The following SUPT6H variants were observed in gnomAD, a reference collection of about 807,000 sequenced individuals.
The protein encoded by SUPT6H is SPT6 homolog, histone chaperone and transcription elongation factor.
A neutral mutation model predicts 222.3 loss-of-function variants in SUPT6H; 11 were observed. The ratio of observed to expected loss-of-function variants is 0.05; its 90% CI spans 0.03 to 0.08. The LOEUF (loss-of-function observed/expected upper bound fraction) is 0.08, where lower values mean the gene tolerates loss of function less well. Among genes scored for constraint, SUPT6H ranks in the 10% least tolerant of loss-of-function variants. The pLI, the probability that SUPT6H is intolerant of heterozygous loss-of-function variation, is 1.00. For missense variants in SUPT6H, 1,422 were observed against 2,216.0 expected (o/e 0.64, Z 7.19); for synonymous variants, 762 against 801.2 (o/e 0.95, Z 0.83).
At position 28,697,053 on chromosome 17, in the gene SUPT6H, C is replaced by G. The variant is rs1481278356; in HGVS notation, c.4180C>G (p.Leu1394Val). The change falls in exon 30 of 37, where the codon CTG (leucine) becomes GTG (valine). Residue 1394 changes from leucine (L) to valine (V), a missense_variant. Transcript: ENST00000314616. ...GGAGGGCAAGGAAAATGCCTTCAGC[C>G]TGGGAGCCACTCTGTGGATCAACAG... ...REEGKENAFSLGATLWINSEE... is the reference protein window; with the variant it reads ...REEGKENAFSVGATLWINSEE... 6.2e-7 allele frequency: 1 copy of G among 1,614,042 alleles called. No homozygotes were observed. The highest frequency in any genetic ancestry group is 1.7e-5 in the Admixed American group (1 of 60,016).
chr17:28,684,822 T>A, intron 18 of SUPT6H, 22 bp from the exon 19 acceptor site: 1 of 1,614,094 alleles, frequency 6.2e-7, no homozygotes, highest in African/African-American at 1.3e-5. Flanking sequence ...ATTGCATTCT[T>A]GTTTTTCTGT....
intron 28 of SUPT6H, among the ~76,000 whole-genome samples, chr17:28,694,158 C>T (rs539327717): frequency 8.5e-5 from 13 of 152,320 alleles, no homozygotes; most frequent in African/African-American, 2.9e-4. Context: ...AAAGGCTCTG[C>T]CTGTTCTCCC....
intron 4 of SUPT6H, 98 bp from the exon 5 acceptor site, chr17:28,674,872 A>G (rs1451269129): frequency 1.4e-6 from 2 of 1,385,104 alleles, no homozygotes; most frequent in South Asian, 1.4e-5. Context: ...TCTCTTGGTC[A>G]GAGTAATTGT....
intron 12 of SUPT6H, among the ~76,000 whole-genome samples, 167 bp from the exon 13 acceptor site, chr17:28,681,712 CAAA>C (rs541707928): frequency 4.5e-5 from 4 of 89,032 alleles, no homozygotes; most frequent in Admixed American, 1.3e-4. Flanking sequence ...GGCTGTGTCT[CAAA>C]AAAAAAAAAA....
At position 28,678,542 on chromosome 17, in the gene SUPT6H, T is replaced by C; in HGVS notation, c.1117-3T>C. ...AGTGACTGCAGTCTCTTTGCCATCC[T>C]AGGTGCCTTTTATTGCCTTCTATCG... On this transcript the variant is annotated splice_region_variant and splice_polypyrimidine_tract_variant and intron_variant, in intron 9 of 36. Transcript: ENST00000314616. The C allele has an allele frequency of 1.2e-6, 2 of 1,614,168 alleles. No individual in the cohort carries two copies. The highest frequency in any genetic ancestry group is 8.5e-7 in the Non-Finnish European group (1 of 1,179,964).
intron 6 of SUPT6H, 21 bp from the exon 7 acceptor site, chr17:28,676,136 G>C (rs774428247): frequency 1.0e-5 from 16 of 1,556,038 alleles, no homozygotes. Flanking sequence ...TGAGCCACCT[G>C]CCTCTTGCTG....
rs758177966 is a variant in SUPT6H at position 28,688,256 on chromosome 17, C to T, written c.3134+38C>T. ...GCCTGGATGGGGCAGGAGGAATTCC[C>T]TTGTGGGCTTTGTTTTCGGGTTTCA... On this transcript the variant is annotated intron_variant, in intron 24 of 36. Coordinates refer to ENST00000314616, the MANE Select transcript of SUPT6H (RefSeq NM_003170.5). The surrounding 1 kb of genome is among the most constrained non-coding windows in gnomAD (Gnocchi z 4.3). 1 of 1,594,588 alleles carries T rather than the reference C, an allele frequency of 6.3e-7. No individual in the cohort carries two copies. Among genetic ancestry groups the T allele is most frequent in the South Asian group, 1.1e-5 (1 of 89,206 alleles).
intron 1 of SUPT6H, among the ~76,000 whole-genome samples, chr17:28,669,667 G>T (rs2030298519): frequency 6.6e-6 from 1 of 152,194 alleles, no homozygotes; most frequent in South Asian, 2.1e-4. Context: ...GGGCGTGGTG[G>T]CTCACGCCTG....
chr17:28,673,150 CA>C (rs568444024), intron 1 of SUPT6H, among the ~76,000 whole-genome samples: 2,299 of 81,814 alleles, frequency 0.028, 38 homozygotes, highest in African/African-American at 0.085. Flanking sequence ...GACGCCACCT[CA>C]AAAAAAAAAA....
chr17:28,673,656 A>G (rs1199016988), intron 2 of SUPT6H, 146 bp downstream of exon 2: 2 of 629,862 alleles, frequency 3.2e-6, no homozygotes, highest in Admixed American at 5.3e-5. Flanking sequence ...CTTAGCAGAT[A>G]CTAACTGAGC....
At position 28,678,847 on chromosome 17, in the gene SUPT6H, G is replaced by A. The variant is rs2151625666; in HGVS notation, c.1233G>A (p.Glu411=). The A allele has an allele frequency of 6.2e-7, 1 of 1,614,222 alleles. No homozygotes were observed. Among genetic ancestry groups the A allele is most frequent in the Admixed American group, 1.7e-5 (1 of 60,018 alleles). Residue 411 remains glutamate, a synonymous_variant, in exon 11 of 37, where the codon GAG becomes GAA. Coordinates refer to ENST00000314616, the MANE Select transcript of SUPT6H (RefSeq NM_003170.5). ...EKWTQLRIRK[E]NLTRLFEKMQ... is the part of the protein sequence containing the mutation. ...GGACCCAGCTGCGGATCCGTAAAGA[G>A]AACCTAACACGGCTGTTTGAGAAGA...
At position 28,701,783 on chromosome 17, in the gene SUPT6H, T is replaced by C; in HGVS notation, c.*158T>C. On this transcript the variant is annotated 3_prime_UTR_variant, in exon 37 of 37. Coordinates refer to ENST00000314616, the MANE Select transcript of SUPT6H (RefSeq NM_003170.5). Reference sequence around the variant, plus strand: ...GGATGGGTGACAGGCTGGATGGCCTTGTGAACTTGAGCTCAGTGTATGCTA... The same window carrying C: ...GGATGGGTGACAGGCTGGATGGCCTCGTGAACTTGAGCTCAGTGTATGCTA... 1 of 768,982 alleles carries C rather than the reference T, an allele frequency of 1.3e-6. No individual in the cohort carries two copies. Among genetic ancestry groups the C allele is most frequent in the Non-Finnish European group, 2.0e-6 (1 of 491,464 alleles). The allele number at this position is 768,982 out of a possible 1,614,324, so 47.6% of individuals were successfully genotyped here. A position where few individuals can be genotyped will look rare whatever the true frequency, so the allele number is the denominator to read the frequency against.
At chr17:28,697,172 G>T (rs779521995) in intron 30 of SUPT6H, 90 bp downstream of exon 30, 4 of 1,096,974 alleles carry the variant, frequency 3.6e-6, no homozygotes, top group Non-Finnish European at 5.5e-6. Flanking sequence ...TAGTAACTCG[G>T]GTCATAGGTA....
chr17:28,664,233 C>T (rs931832013), intron 1 of SUPT6H, among the ~76,000 whole-genome samples: 3 of 152,140 alleles, frequency 2.0e-5, no homozygotes, highest in African/African-American at 7.2e-5. Flanking sequence ...TGGGGCTGGT[C>T]GCAGTGGCTC....
intron 11 of SUPT6H, among the ~76,000 whole-genome samples, chr17:28,679,208 C>T (rs2030937563): frequency 6.6e-6 from 1 of 152,056 alleles, no homozygotes; most frequent in South Asian, 2.1e-4. Context: ...CCCATCTCTA[C>T]TAAAAATACA....
At position 28,689,283 on chromosome 17, in the gene SUPT6H, TTGG is replaced by T. The variant is rs1201071242; in HGVS notation, c.3135-67_3135-65del. On this transcript the variant is annotated intron_variant, in intron 24 of 36. Transcript: ENST00000314616. ...CCTAATTTATTTAACCAGTTCCCCA[TTGG>T]TGGACATTTGGGTTGTTACTAGAAG... 3.9e-5 allele frequency: 56 copies of T among 1,439,328 alleles called. 1 individual carries two copies. The highest frequency in any genetic ancestry group is 6.9e-5 in the Admixed American group (4 of 57,604). The allele number at this position is 1,439,328 out of a possible 1,614,324, so 89.2% of individuals were successfully genotyped here. A position where few individuals can be genotyped will look rare whatever the true frequency, so the allele number is the denominator to read the frequency against.
chr17:28,700,537 C>T (rs751841405), intron 35 of SUPT6H, 25 bp downstream of exon 35: 3 of 1,608,100 alleles, frequency 1.9e-6, no homozygotes, highest in East Asian at 2.2e-5. Context: ...GAGGAAGCTC[C>T]CTGTGCAGGG....
At chr17:28,687,566 C>A in intron 23 of SUPT6H, 95 bp downstream of exon 23, 2 of 1,367,920 alleles carry the variant, frequency 1.5e-6, no homozygotes, top group Non-Finnish European at 2.0e-6. Context: ...TTGGGAGGAC[C>A]AAGGTCAGTG....
At chr17:28,675,793 TTTG>T (rs1196992200) in intron 6 of SUPT6H, among the ~76,000 whole-genome samples, 1 of 152,204 alleles carries the variant, frequency 6.6e-6, no homozygotes, top group Non-Finnish European at 1.5e-5. Flanking sequence ...TTAATATATT[TTTG>T]TTGGAAGACA....
Sources: gnomAD v4.1 joint callset for allele counts (sites outside exome capture counted in the v4.1 genomes callset) on GRCh38, gnomAD v4.1.1 for gene constraint, Gnocchi (gnomAD v3.1) non-coding constraint, MANE v1.5 for transcripts, NCBI Gene and HGNC (gene_info 2026-07-23, HGNC 2026-07-21) for gene names.